Variants in ARID4B observed in about 807,000 individuals in gnomAD.
ARID4B encodes AT-rich interactive domain-containing protein 4B.
ARID4B carries 26 observed loss-of-function variants against 147.5 expected under a neutral mutation model. The ratio of observed to expected loss-of-function variants is 0.18; its 90% CI spans 0.13 to 0.24. The LOEUF is 0.24. Among genes scored for constraint, ARID4B ranks in the 10% least tolerant of loss-of-function variants. The probability of loss-of-function intolerance (pLI) is 1.00; values close to 1 mark genes in which losing one functional copy is unlikely to be tolerated. For missense variants in ARID4B, 1,179 were observed against 1,511.5 expected (o/e 0.78, Z 3.65); for synonymous variants, 512 against 507.9 (o/e 1.01, Z -0.11).
At position 235,302,933 on chromosome 1, in the gene ARID4B, TTC is replaced by T. The variant is rs1213878832; in HGVS notation, c.6+23979_6+23980del. Reference sequence around the variant, plus strand: ...TTTGAGAGTTTATATTCTTCTTTTTTTCTTTTTTTTGAGACGGAGTCTCGCTC... The same window carrying T: ...TTTGAGAGTTTATATTCTTCTTTTTTTTTTTTTTGAGACGGAGTCTCGCTC... On this transcript the variant is annotated intron_variant, in intron 2 of 23. Coordinates refer to ENST00000264183, the MANE Select transcript of ARID4B (RefSeq NM_016374.6). 1.7e-3 allele frequency among the ~76,000 whole-genome samples: 192 copies of T among 114,276 alleles called. 3 individuals carry two copies. The highest frequency in any genetic ancestry group is 5.6e-3 in the African/African-American group (176 of 31,154). The allele number at this position is 114,276 out of a possible 152,430, so 75.0% of individuals were successfully genotyped here.
chr1:235,271,394 C>T (rs1670976795), intron 2 of ARID4B, among the ~76,000 whole-genome samples: 1 of 151,946 alleles, frequency 6.6e-6, no homozygotes, highest in Admixed American at 6.6e-5. Context: ...CTTTGGGAGG[C>T]TGAGACAGGC....
At chr1:235,196,853 C>CAAAAAAAAAAAAAAAAAAAAAAA (rs34581094) in intron 17 of ARID4B, among the ~76,000 whole-genome samples, 1 of 88,578 alleles carries the variant, frequency 1.1e-5, no homozygotes, top group Non-Finnish European at 2.1e-5. Flanking sequence ...CTCTGTTTCA[C>CAAAAAAAAAAAAAAAAAAAAAAA]AAAAAAAAAA....
rs962469461 is a variant in ARID4B at position 235,326,783 on chromosome 1, G to C, written c.6+131C>G. On this transcript the variant is annotated intron_variant, in intron 2 of 23. Transcript: ENST00000264183. ...GCTGACCCCGGTCTCTCTGGGGAAG[G>C]GCTCGGTCACCAAGTCACCAAACAC... The C allele has an allele frequency of 3.4e-6, 4 of 1,184,000 alleles. No individual in the cohort carries two copies. In the African/African-American group the frequency reaches 4.5e-5, roughly 13 times the overall value. 73.3% of individuals were successfully genotyped at this position (1,184,000 alleles called of 1,614,324 possible). A position where few individuals can be genotyped will look rare whatever the true frequency, so the allele number is the denominator to read the frequency against.
At chr1:235,184,770 T>C (rs1223784488) in intron 19 of ARID4B, among the ~76,000 whole-genome samples, 1 of 152,184 alleles carries the variant, frequency 6.6e-6, no homozygotes, top group African/African-American at 2.4e-5. Context: ...TGTTAACATC[T>C]GATAGTTATA....
At chr1:235,257,851 GAGAA>G (rs1307913030) in intron 3 of ARID4B, among the ~76,000 whole-genome samples, 2 of 152,100 alleles carry the variant, frequency 1.3e-5, no homozygotes, top group Non-Finnish European at 2.9e-5. Flanking sequence ...CCTAAAAAAT[GAGAA>G]AGAAAGATAT....
intron 2 of ARID4B, among the ~76,000 whole-genome samples, chr1:235,268,598 G>T (rs563348196): frequency 1.3e-5 from 2 of 151,776 alleles, no homozygotes; most frequent in African/African-American, 4.8e-5. Context: ...GTGTGATATC[G>T]GCTCACTGTA....
chr1:235,317,787 A>G (rs751891919), intron 2 of ARID4B, among the ~76,000 whole-genome samples: 1 of 152,202 alleles, frequency 6.6e-6, no homozygotes. Context: ...ACATATTCCA[A>G]CTGACTAGAA....
intron 18 of ARID4B, among the ~76,000 whole-genome samples, chr1:235,195,368 G>A (rs920394368): frequency 3.9e-5 from 6 of 152,032 alleles, no homozygotes; most frequent in Admixed American, 1.3e-4. Context: ...CAAGGCGGGC[G>A]GATCACCTGA....
At chr1:235,172,977 CAGCA>C (rs1161284013) in intron 22 of ARID4B, among the ~76,000 whole-genome samples, 3 of 152,084 alleles carry the variant, frequency 2.0e-5, no homozygotes, top group Non-Finnish European at 4.4e-5. Flanking sequence ...TGAATATGTA[CAGCA>C]TTAAACACCT....
chr1:235,272,753 C>A (rs1451495402), intron 2 of ARID4B, among the ~76,000 whole-genome samples: 2 of 151,158 alleles, frequency 1.3e-5, no homozygotes, highest in East Asian at 3.9e-4. Flanking sequence ...ACATACAATA[C>A]CAATGTGGCC....
At chr1:235,218,045 G>A (rs889489923) in intron 16 of ARID4B, among the ~76,000 whole-genome samples, 1 of 152,154 alleles carries the variant, frequency 6.6e-6, no homozygotes, top group African/African-American at 2.4e-5. Flanking sequence ...TAACAGTTAT[G>A]TGAATATGGT....
chr1:235,236,862 A>ATATATATATATATATATTT (rs1426582533), intron 8 of ARID4B, among the ~76,000 whole-genome samples: 2 of 17,490 alleles, frequency 1.1e-4, no homozygotes, highest in African/African-American at 2.2e-4. Flanking sequence ...ATATATATAT[A>ATATATATATATATATATTT]TTTTTTTTTT....
At position 235,224,868 on chromosome 1, in the gene ARID4B, T is replaced by C. The variant is rs1489842931; in HGVS notation, c.898-93A>G. On this transcript the variant is annotated intron_variant, in intron 11 of 23. Transcript: ENST00000264183. ...TACCAATAGCAAAGACTAGTGTTCA[T>C]TAAAATACTTCAAAGGCTTTTTACG... 4.9e-6 allele frequency: 4 copies of C among 817,902 alleles called. No homozygotes were observed. In the African/African-American group the frequency reaches 5.3e-5, roughly 11 times the overall value. 50.7% of individuals were successfully genotyped at this position (817,902 alleles called of 1,614,324 possible). A position where few individuals can be genotyped will look rare whatever the true frequency, so the allele number is the denominator to read the frequency against.
rs1212238123 is a variant in ARID4B at position 235,223,380 on chromosome 1, T to C, written c.971-120A>G. ...ATATATATATACACGTATATATATA[T>C]ATACACGTATATATATGTGTGTGTA... On this transcript the variant is annotated intron_variant, in intron 12 of 23. Coordinates refer to ENST00000264183, the MANE Select transcript of ARID4B (RefSeq NM_016374.6). 1.4e-4 allele frequency: 30 copies of C among 222,188 alleles called. 1 individual carries two copies. In the East Asian group the frequency reaches 2.6e-3, roughly 20 times the overall value. 13.8% of individuals were successfully genotyped at this position (222,188 alleles called of 1,614,324 possible). A position where few individuals can be genotyped will look rare whatever the true frequency, so the allele number is the denominator to read the frequency against.
intron 2 of ARID4B, among the ~76,000 whole-genome samples, chr1:235,299,785 T>C (rs931528104): frequency 2.0e-5 from 3 of 152,204 alleles, no homozygotes; most frequent in Admixed American, 6.5e-5. Context: ...TTCTTGTTCA[T>C]TGGTGGTTAG....
At chr1:235,286,550 C>T (rs974321850) in intron 2 of ARID4B, among the ~76,000 whole-genome samples, 2 of 152,022 alleles carry the variant, frequency 1.3e-5, no homozygotes, top group African/African-American at 2.4e-5. Flanking sequence ...AGAAGGATAC[C>T]TGAAGGATGA....
chr1:235,199,700 A>G (rs1346326643), intron 17 of ARID4B, among the ~76,000 whole-genome samples: 1 of 152,150 alleles, frequency 6.6e-6, no homozygotes, highest in Non-Finnish European at 1.5e-5. Context: ...AGAAAATAAC[A>G]TGTGAGAATT....
At chr1:235,280,042 A>ACAC (rs1294208258) in intron 2 of ARID4B, among the ~76,000 whole-genome samples, 6 of 152,192 alleles carry the variant, frequency 3.9e-5, no homozygotes, top group Admixed American at 3.9e-4. Context: ...CTAATACAAT[A>ACAC]CACTGAGTCC....
chr1:235,300,506 T>G (rs182456201), intron 2 of ARID4B, among the ~76,000 whole-genome samples: 2,115 of 152,216 alleles, frequency 0.014, 26 homozygotes, highest in Non-Finnish European at 0.019. Context: ...CCATTTTCCC[T>G]ATCTGTAAAC....
Sources: gnomAD v4.1 joint callset for allele counts (sites outside exome capture counted in the v4.1 genomes callset) on GRCh38, gnomAD v4.1.1 for gene constraint, MANE v1.5 for transcripts, NCBI Gene and HGNC (gene_info 2026-07-23, HGNC 2026-07-21) for gene names.